PRKN: variants seen among roughly 807,000 people sequenced by gnomAD.
The protein encoded by PRKN is parkin RBR E3 ubiquitin protein ligase.
A neutral mutation model predicts 59.5 loss-of-function variants in PRKN; 56 were observed. That is an observed-to-expected ratio of 0.94 (90% CI 0.76 to 1.18). The LOEUF is 1.18. Ranked by LOEUF, PRKN falls within the 50% of genes most tolerant of loss-of-function variation. PRKN has a pLI of 0.00. For missense variants in PRKN, 657 were observed against 596.4 expected, an observed-to-expected ratio of 1.10 and a Z score of -1.06; for synonymous variants, 250 against 222.1, an observed-to-expected ratio of 1.13 and a Z score of -1.12.
chr6:161,416,580 ACAGAGACCCGTTCTTAC>A (rs2115018072), intron 9 of PRKN, among the ~76,000 whole-genome samples: 1 of 152,232 alleles, frequency 6.6e-6, no homozygotes, highest in East Asian at 1.9e-4. Flanking sequence ...AGTAATAGCA[ACAGAGACCCGTTCTTAC>A]CAGTGACCCC....
intron 1 of PRKN, among the ~76,000 whole-genome samples, chr6:162,608,839 A>G (rs1281482060): frequency 6.6e-6 from 1 of 152,174 alleles, no homozygotes; most frequent in Non-Finnish European, 1.5e-5. Flanking sequence ...GTCAGAAGAG[A>G]GTACACAGCC....
chr6:162,198,728 C>T (rs1289187814), intron 4 of PRKN, among the ~76,000 whole-genome samples: 1 of 151,708 alleles, frequency 6.6e-6, no homozygotes, highest in Non-Finnish European at 1.5e-5. Flanking sequence ...CCTACCTCTA[C>T]TGCTCTGCAT....
intron 6 of PRKN, among the ~76,000 whole-genome samples, chr6:161,960,027 G>A (rs1562420087): frequency 6.6e-6 from 1 of 152,178 alleles, no homozygotes; most frequent in Non-Finnish European, 1.5e-5. Flanking sequence ...TGCTCCCTGG[G>A]GGATTGGGGT....
At chr6:161,426,683 T>A (rs935478102) in intron 9 of PRKN, among the ~76,000 whole-genome samples, 2 of 63,904 alleles carry the variant, frequency 3.1e-5, no homozygotes, top group Non-Finnish European at 7.4e-5. Flanking sequence ...ACACCTCCTA[T>A]TAGTTCTGTC....
At chr6:162,281,077 T>C (rs932414671) in intron 2 of PRKN, among the ~76,000 whole-genome samples, 2 of 152,112 alleles carry the variant, frequency 1.3e-5, no homozygotes, top group Non-Finnish European at 2.9e-5. Context: ...CAGCATAGTA[T>C]TCCATGGTGT....
intron 6 of PRKN, among the ~76,000 whole-genome samples, chr6:161,889,503 T>A (rs1414795226): frequency 1.3e-5 from 2 of 152,214 alleles, no homozygotes; most frequent in Admixed American, 1.3e-4. Context: ...GGTTACCTAC[T>A]GCATGGTTCC....
intron 4 of PRKN, among the ~76,000 whole-genome samples, chr6:162,090,139 T>C (rs1779417114): frequency 6.6e-6 from 1 of 151,492 alleles, no homozygotes; most frequent in Admixed American, 6.6e-5. Context: ...CCACGCAGTA[T>C]TTGTGTGTGT....
rs80225669 is a variant in PRKN, at chr6:162,029,540, G to A, written c.618+24551C>T. On this transcript the variant is annotated intron_variant, in intron 5 of 11. Coordinates refer to ENST00000366898, the MANE Select transcript of PRKN (RefSeq NM_004562.3). ...TCATCCCAGTTTCCTCGATGGCACC[G>A]TGCACCGCACTCTAGTTCATCCATG... Among the ~76,000 whole-genome samples, 545 of 152,246 alleles carry A rather than the reference G, an allele frequency of 3.6e-3. 20 individuals are homozygous for A. In the East Asian group the frequency reaches 0.077, roughly 21 times the overall value.
At chr6:162,366,050 G>T (rs747571172) in intron 2 of PRKN, among the ~76,000 whole-genome samples, 2 of 152,140 alleles carry the variant, frequency 1.3e-5, no homozygotes, top group Non-Finnish European at 2.9e-5. Flanking sequence ...ATGGGTACTT[G>T]CCATGGGTAC....
At chr6:161,789,124 T>C (rs2128207530) in intron 6 of PRKN, among the ~76,000 whole-genome samples, 1 of 152,322 alleles carries the variant, frequency 6.6e-6, no homozygotes, top group Non-Finnish European at 1.5e-5. Flanking sequence ...ATATTCCTTG[T>C]AGTTTTGGAA....
chr6:161,860,277 T>C (rs1000374845), intron 6 of PRKN, among the ~76,000 whole-genome samples: 2 of 152,350 alleles, frequency 1.3e-5, no homozygotes, highest in South Asian at 2.1e-4. Context: ...GTCTCCTTTG[T>C]TGTGGTCCTT....
chr6:162,150,108 T>C (rs1379018305), intron 4 of PRKN, among the ~76,000 whole-genome samples: 1 of 152,154 alleles, frequency 6.6e-6, no homozygotes, highest in Non-Finnish European at 1.5e-5. Flanking sequence ...GTAGTAATAT[T>C]CCCAATACCA....
intron 1 of PRKN, among the ~76,000 whole-genome samples, chr6:162,468,100 T>C (rs1230012044): frequency 1.3e-5 from 2 of 152,208 alleles, no homozygotes; most frequent in African/African-American, 4.8e-5. Flanking sequence ...TTGTTAAATG[T>C]AAGCCCCGAC....
At chr6:162,391,157 C>A (rs1787165291) in intron 2 of PRKN, among the ~76,000 whole-genome samples, 1 of 152,220 alleles carries the variant, frequency 6.6e-6, no homozygotes, top group Admixed American at 6.5e-5. Context: ...GCAATGACTT[C>A]CTCCTGGAAG....
chr6:162,180,684 T>C (rs560529657), intron 4 of PRKN, among the ~76,000 whole-genome samples: 67 of 152,306 alleles, frequency 4.4e-4, no homozygotes, highest in African/African-American at 1.6e-3. Flanking sequence ...GTTCCTTTTG[T>C]TCCAATCAGG....
At chr6:161,573,505 G>A (rs1562534347) in intron 7 of PRKN, among the ~76,000 whole-genome samples, 1 of 151,198 alleles carries the variant, frequency 6.6e-6, no homozygotes, top group South Asian at 2.1e-4. Context: ...CAGATCACGA[G>A]GTCAGGAGAT....
At chr6:162,386,941 A>C (rs1427047306) in intron 2 of PRKN, among the ~76,000 whole-genome samples, 2 of 152,188 alleles carry the variant, frequency 1.3e-5, no homozygotes, top group Admixed American at 1.3e-4. Context: ...TTATCTCCCC[A>C]AGGCAGAATC....
chr6:161,371,482 T>TA lies in PRKN; in HGVS notation c.1168-11278dup, dbSNP rs36036400. On this transcript the variant is annotated intron_variant, in intron 10 of 11. Coordinates refer to ENST00000366898, the MANE Select transcript of PRKN (RefSeq NM_004562.3). This position sits in a 1 kb window ranked among gnomAD's most constrained non-coding sequence, Gnocchi z 5.5. ...GCCCGGCCTATTTTGTTATTTTTTT[T>TA]AAGAGAAATCATCAGAGTGTTGGGA... is the stretch of plus-strand genomic sequence containing the variant. Among the ~76,000 whole-genome samples, 41,268 of 151,546 alleles carry TA rather than the reference T, an allele frequency of 0.27. 5,907 individuals carry two copies. The highest frequency in any genetic ancestry group is 0.32 in the South Asian group (1,519 of 4,794).
intron 7 of PRKN, among the ~76,000 whole-genome samples, chr6:161,648,201 T>C (rs79810166): frequency 6.6e-6 from 1 of 152,222 alleles, no homozygotes; most frequent in Non-Finnish European, 1.5e-5. Flanking sequence ...TGCCTTATTA[T>C]TTTTTTAAAC....
Sources: gnomAD v4.1 joint callset for allele counts (sites outside exome capture counted in the v4.1 genomes callset) on GRCh38, gnomAD v4.1.1 for gene constraint, Gnocchi (gnomAD v3.1) non-coding constraint, MANE v1.5 for transcripts, NCBI Gene and HGNC (gene_info 2026-07-23, HGNC 2026-07-21) for gene names.